The following MAP4K4 variants were observed in gnomAD, a reference collection of about 807,000 sequenced individuals.
MAP4K4 encodes the protein HPK/GCK-like kinase HGK.
MAP4K4 carries 38 observed loss-of-function variants against 189.6 expected under a neutral mutation model. The observed-to-expected ratio is 0.20, with a 90% CI of 0.15 to 0.26. MAP4K4 has a LOEUF of 0.26. Ranked by LOEUF, MAP4K4 falls within the 10% of genes least tolerant of loss-of-function variation. The probability of loss-of-function intolerance (pLI) is 1.00; values close to 1 mark genes in which losing one functional copy is unlikely to be tolerated. For synonymous variants in MAP4K4, 610 were observed against 624.3 expected (o/e 0.98, Z 0.34); for missense variants, 1,054 against 1,726.9 (o/e 0.61, Z 6.91).
At chr2:101,718,934 AG>A in intron 2 of MAP4K4, among the ~76,000 whole-genome samples, 1 of 152,214 alleles carries the variant, frequency 6.6e-6, no homozygotes, top group Non-Finnish European at 1.5e-5. Flanking sequence ...CACAGCTGCT[AG>A]GGTGGGTTCT....
intron 2 of MAP4K4, among the ~76,000 whole-genome samples, chr2:101,731,191 A>G (rs900360041): frequency 2.0e-5 from 3 of 151,786 alleles, no homozygotes; most frequent in Non-Finnish European, 4.4e-5. Context: ...ATCTCGGCTC[A>G]CTGCAACCTC....
intron 12 of MAP4K4, among the ~76,000 whole-genome samples, chr2:101,845,837 GT>G (rs778444465): frequency 1.3e-4 from 19 of 150,584 alleles, no homozygotes; most frequent in Non-Finnish European, 1.9e-4. Flanking sequence ...AGACATTATT[GT>G]TTTACCTTTT....
intron 27 of MAP4K4, among the ~76,000 whole-genome samples, chr2:101,881,675 T>A (rs928691556): frequency 6.6e-6 from 1 of 152,168 alleles, no homozygotes; most frequent in Non-Finnish European, 1.5e-5. Flanking sequence ...TGGTAGATGT[T>A]TCTTGTCAAA....
chr2:101,783,962 T>G (rs986287212), intron 2 of MAP4K4, among the ~76,000 whole-genome samples: 3 of 152,190 alleles, frequency 2.0e-5, no homozygotes, highest in Non-Finnish European at 4.4e-5. Flanking sequence ...TGCTCACCCT[T>G]TTTTTCCTGG....
rs147020003 is a variant in MAP4K4, at chr2:101,850,449, A to G, written c.1234-5528A>G. Among the ~76,000 whole-genome samples, 1,384 of 152,326 alleles carry G rather than the reference A, an allele frequency of 9.1e-3. 28 individuals are homozygous for G. Among genetic ancestry groups the G allele is most frequent in the African/African-American group, 0.032 (1,316 of 41,564 alleles). On this transcript the variant is annotated intron_variant, in intron 12 of 32. Coordinates refer to ENST00000324219, the Ensembl canonical transcript of MAP4K4. Reference sequence around the variant, plus strand: ...TAGAAGGAAGGCAGTGAACTCCTTTATTCTGAAGCACTTTCCAGCAGTTGC... The same window carrying G: ...TAGAAGGAAGGCAGTGAACTCCTTTGTTCTGAAGCACTTTCCAGCAGTTGC...
At chr2:101,858,199 C>A (rs1161923428) in intron 13 of MAP4K4, among the ~76,000 whole-genome samples, 1 of 152,214 alleles carries the variant, frequency 6.6e-6, no homozygotes, top group African/African-American at 2.4e-5. Flanking sequence ...CTCAGTGGAA[C>A]AGGGACTGAG....
chr2:101,885,529 A>T (rs765168919), intron 29 of MAP4K4, among the ~76,000 whole-genome samples: 3 of 152,242 alleles, frequency 2.0e-5, no homozygotes, highest in African/African-American at 4.8e-5. Flanking sequence ...CGATGTGGCA[A>T]TGTGTTCACA....
intron 2 of MAP4K4, among the ~76,000 whole-genome samples, chr2:101,744,218 A>G (rs1574724960): frequency 6.6e-6 from 1 of 152,366 alleles, no homozygotes; most frequent in East Asian, 1.9e-4. Context: ...AAACCTAAAA[A>G]GAGAGGCGAA....
At chr2:101,881,079 C>T (rs1269589698) in intron 27 of MAP4K4, among the ~76,000 whole-genome samples, 1 of 152,182 alleles carries the variant, frequency 6.6e-6, no homozygotes, top group Non-Finnish European at 1.5e-5. Flanking sequence ...GATGTCTTGA[C>T]AGTATTGACT....
intron 15 of MAP4K4, chr2:101,860,513 T>C (rs1258780248): frequency 4.6e-6 from 1 of 217,700 alleles, no homozygotes; most frequent in Non-Finnish European, 9.1e-6. Context: ...TTTTTTAGTC[T>C]GTTGGTTTAG....
chr2:101,709,788 T>C (rs1234871931), intron 2 of MAP4K4, among the ~76,000 whole-genome samples: 1 of 152,160 alleles, frequency 6.6e-6, no homozygotes, highest in Non-Finnish European at 1.5e-5. Flanking sequence ...AAATAAATGA[T>C]TTGCTATGTG....
At position 101,740,405 on chromosome 2, in the gene MAP4K4, C is replaced by T. The variant is rs1371486980; in HGVS notation, c.123+41867C>T. ...TCCTGACCTCGTGATCCGCCCGCCT[C>T]GGCCTCCCAAAGTGCTGGGATTACA... On this transcript the variant is annotated intron_variant, in intron 2 of 32. Transcript: ENST00000324219. Among the ~76,000 whole-genome samples the T allele has an allele frequency of 4.9e-5, 5 of 102,520 alleles. 1 individual carries two copies. The highest frequency in any genetic ancestry group is 4.7e-4 in the African/African-American group (3 of 6,370). 67.3% of individuals were successfully genotyped at this position (102,520 alleles called of 152,430 possible).
chr2:101,792,189 C>T (rs980697546), intron 3 of MAP4K4, among the ~76,000 whole-genome samples: 2 of 152,190 alleles, frequency 1.3e-5, no homozygotes, highest in African/African-American at 4.8e-5. Context: ...GTCTCCATTC[C>T]GAATGCTGTG....
chr2:101,732,833 T>C (rs2059043800), intron 2 of MAP4K4, among the ~76,000 whole-genome samples: 1 of 152,240 alleles, frequency 6.6e-6, no homozygotes, highest in Non-Finnish European at 1.5e-5. Flanking sequence ...GTGATCCGCC[T>C]GCCTCGGCCT....
chr2:101,760,864 G>A (rs537742681), intron 2 of MAP4K4, among the ~76,000 whole-genome samples: 3 of 152,246 alleles, frequency 2.0e-5, no homozygotes, highest in East Asian at 1.9e-4. Flanking sequence ...TTAGCTGGGC[G>A]TGGTGGCGCA....
chr2:101,799,609 T>A (rs2094171518), intron 3 of MAP4K4, among the ~76,000 whole-genome samples: 1 of 151,814 alleles, frequency 6.6e-6, no homozygotes, highest in Non-Finnish European at 1.5e-5. Context: ...TCATTTTTGA[T>A]TTTTGTTTTT....
chr2:101,856,632 G>A (rs2097477233), intron 13 of MAP4K4, among the ~76,000 whole-genome samples: 1 of 151,968 alleles, frequency 6.6e-6, no homozygotes, highest in African/African-American at 2.4e-5. Flanking sequence ...ACATTGATGA[G>A]TTCAACCAAA....
chr2:101,789,177 T>A (rs1025654813), intron 2 of MAP4K4, among the ~76,000 whole-genome samples: 1 of 152,220 alleles, frequency 6.6e-6, no homozygotes, highest in Non-Finnish European at 1.5e-5. Context: ...GTTTGAAGGT[T>A]GGTTAGTTGC....
intron 2 of MAP4K4, among the ~76,000 whole-genome samples, chr2:101,751,385 G>A (rs1341839807): frequency 6.6e-6 from 1 of 152,198 alleles, no homozygotes; most frequent in Non-Finnish European, 1.5e-5. Flanking sequence ...ATCCTCTCCT[G>A]CTTCCCAGTG....
Sources: allele counts gnomAD v4.1 joint callset (sites outside exome capture counted in the v4.1 genomes callset), GRCh38; gene constraint gnomAD v4.1.1; transcripts MANE v1.5; gene names NCBI Gene and HGNC (gene_info 2026-07-23, HGNC 2026-07-21).